The following ZNF273 variants were observed in gnomAD, a reference collection of about 807,000 sequenced individuals.
ZNF273 encodes zinc finger protein 9.
In ZNF273, 11 loss-of-function variants were observed where a neutral mutation model predicts 14.9. The observed-to-expected ratio is 0.74, with a 90% CI of 0.46 to 1.22. The LOEUF (loss-of-function observed/expected upper bound fraction) is 1.22, where lower values mean the gene tolerates loss of function less well. Ranked by LOEUF, ZNF273 falls within the 50% of genes most tolerant of loss-of-function variation. The probability of loss-of-function intolerance (pLI) is 0.00; values close to 1 mark genes in which losing one functional copy is unlikely to be tolerated. For missense variants in ZNF273, 577 were observed against 660.6 expected, an observed-to-expected ratio of 0.87 and a Z score of 1.39; for synonymous variants, 199 against 223.9, an observed-to-expected ratio of 0.89 and a Z score of 0.99.
intron 1 of ZNF273, chr7:64,888,249 G>C: frequency 3.1e-6 from 3 of 968,330 alleles, no homozygotes; most frequent in Non-Finnish European, 3.7e-6. Flanking sequence ...AGAGGAGGGC[G>C]CTCCCTCGTC....
At chr7:64,912,826 G>GTTTTTTGTTGTTGTTTTTTT in intron 1 of ZNF273, among the ~76,000 whole-genome samples, 5 of 36,574 alleles carry the variant, frequency 1.4e-4, no homozygotes, top group South Asian at 1.3e-3. Context: ...ATTCATTTTA[G>GTTTTTTGTTGTTGTTTTTTT]TTTTTTTTTT....
At chr7:64,912,826 G>GTTTTGTTTTTTGTTTTTTTTT (rs746174998) in intron 1 of ZNF273, among the ~76,000 whole-genome samples, 4 of 36,576 alleles carry the variant, frequency 1.1e-4, no homozygotes, top group East Asian at 6.2e-4. Flanking sequence ...ATTCATTTTA[G>GTTTTGTTTTTTGTTTTTTTTT]TTTTTTTTTT....
intron 1 of ZNF273, among the ~76,000 whole-genome samples, chr7:64,887,908 C>T (rs1250586625): frequency 6.6e-6 from 1 of 152,036 alleles, no homozygotes; most frequent in African/African-American, 2.4e-5. Context: ...TCACTGGTTC[C>T]TCACCCTTGT....
chr7:64,916,542 CAAAA>C (rs10712527), intron 1 of ZNF273, among the ~76,000 whole-genome samples: 4,412 of 84,472 alleles, frequency 0.052, 89 homozygotes, highest in East Asian at 0.18. Flanking sequence ...AAAACTGTCT[CAAAA>C]AAAAAAAAAA....
Position 64,928,863 on chromosome 7 carries a change from A to G in ZNF273, c.1535A>G (p.Lys512Arg). Residue 512 changes from lysine (K) to arginine (R), a missense_variant, in exon 4 of 4, where the codon AAG becomes AGG. This residue lies in a region of ZNF273 where 411 missense variants were observed against 440.4 expected (regional missense o/e 0.93). Coordinates refer to ENST00000476120, the MANE Select transcript of ZNF273 (RefSeq NM_021148.3). ...CATAAGAGAATTCATACTGGAGAGA[A>G]GCCCTACAAATGTGAAGAATGTGGC... ...TKHKRIHTGE[K>R]PYKCEECGKA... 1 of 1,614,024 alleles carries G rather than the reference A, an allele frequency of 6.2e-7. No homozygotes were observed. Among genetic ancestry groups the G allele is most frequent in the South Asian group, 1.1e-5 (1 of 91,072 alleles).
intron 3 of ZNF273, chr7:64,923,246 A>G: frequency 4.7e-6 from 2 of 429,496 alleles, no homozygotes; most frequent in South Asian, 3.4e-5. Flanking sequence ...TGTCATCAAG[A>G]TTTATCGTTA....
chr7:64,881,726 C>A (rs1043839068), downstream of ZNF273, among the ~76,000 whole-genome samples: 1 of 152,122 alleles, frequency 6.6e-6, no homozygotes, highest in Non-Finnish European at 1.5e-5. Context: ...GGTCATGGGT[C>A]GTGGTCTCTT....
At chr7:64,922,995 C>T (rs936328293) in intron 3 of ZNF273, among the ~76,000 whole-genome samples, 11 of 151,990 alleles carry the variant, frequency 7.2e-5, no homozygotes, top group African/African-American at 2.4e-4. Flanking sequence ...AAAAGAAAAT[C>T]GCAAAATTTA....
chr7:64,931,804 C>G (rs1455129945), downstream of ZNF273, among the ~76,000 whole-genome samples: 1 of 152,098 alleles, frequency 6.6e-6, no homozygotes, highest in Non-Finnish European at 1.5e-5. Context: ...TAGTTTGTAA[C>G]TTCAAGTCAG....
intron 3 of ZNF273, among the ~76,000 whole-genome samples, chr7:64,918,686 A>G (rs1794199992): frequency 1.6e-5 from 2 of 127,100 alleles, no homozygotes; most frequent in African/African-American, 2.8e-5. Context: ...AAAAAAAAAA[A>G]AATGTGATTT....
At position 64,927,711 on chromosome 7, in the gene ZNF273, T is replaced by G; in HGVS notation, c.383T>G (p.Phe128Cys). 6.2e-7 allele frequency: 1 copy of G among 1,606,644 alleles called. No individual in the cohort carries two copies. The highest frequency in any genetic ancestry group is 8.5e-7 in the Non-Finnish European group (1 of 1,177,986). Residue 128 changes from phenylalanine (F) to cysteine (C), a missense_variant, in exon 4 of 4, where the codon TTT becomes TGT. By Grantham distance (205) the Phe-to-Cys change is radical. Around this residue, in one of 3 missense-constraint regions of ZNF273, gnomAD observed 162 missense variants for 203.5 expected, o/e 0.80. Transcript: ENST00000476120. ...CCAAAGCAGGGCTTAAAAGATTCTT[T>G]TCAAAAAGTGATACTGAGAAGATAT... ...LWPKQGLKDS[F>C]QKVILRRYGK... is the part of the protein sequence containing the mutation.
chr7:64,884,767 A>G (rs2129033575), intron 1 of ZNF273, among the ~76,000 whole-genome samples: 1 of 152,294 alleles, frequency 6.6e-6, no homozygotes, highest in East Asian at 1.9e-4. Flanking sequence ...ATGGAGTCCA[A>G]AGAGAAGTTC....
chr7:64,912,826 G>GTTTTGTTTTTTGTTTTTTTTTTTTTT (rs746174998), intron 1 of ZNF273, among the ~76,000 whole-genome samples: 4 of 36,564 alleles, frequency 1.1e-4, no homozygotes, highest in Non-Finnish European at 1.7e-4. Context: ...ATTCATTTTA[G>GTTTTGTTTTTTGTTTTTTTTTTTTTT]TTTTTTTTTT....
chr7:64,932,374 G>A (rs773179453), downstream of ZNF273, among the ~76,000 whole-genome samples: 1 of 151,916 alleles, frequency 6.6e-6, no homozygotes, highest in East Asian at 1.9e-4. Flanking sequence ...GCAATGGCGC[G>A]ATCTTGGCTC....
chr7:64,883,215 C>CCCCCCT (rs1562946563), downstream of ZNF273, among the ~76,000 whole-genome samples: 2 of 57,846 alleles, frequency 3.5e-5, 1 homozygote, highest in Non-Finnish European at 7.2e-5. Context: ...CAAATCACCA[C>CCCCCCT]CCCCCCCTCA....
downstream of ZNF273, among the ~76,000 whole-genome samples, chr7:64,884,686 C>T (rs2129033487): frequency 6.6e-6 from 1 of 152,286 alleles, no homozygotes; most frequent in Admixed American, 6.5e-5. Flanking sequence ...ACCCGGAGAT[C>T]CCTCAACAAC....
At chr7:64,935,934 C>A (rs1795055820), downstream of ZNF273, among the ~76,000 whole-genome samples, 1 of 152,128 alleles carries the variant, frequency 6.6e-6, no homozygotes, top group Non-Finnish European at 1.5e-5. Context: ...AATTGCCATG[C>A]TTTTTGAAAT....
At chr7:64,879,823 T>A (rs578256738), downstream of ZNF273, 1 of 152,134 alleles carries the variant, frequency 6.6e-6, no homozygotes, top group Non-Finnish European at 1.5e-5. Context: ...ACTCACAGTC[T>A]CAAAGCCTGT....
chr7:64,885,614 G>A (rs1234312352), intron 1 of ZNF273, among the ~76,000 whole-genome samples: 1 of 152,214 alleles, frequency 6.6e-6, no homozygotes, highest in East Asian at 1.9e-4. Flanking sequence ...TTAATACTGA[G>A]ACTAGAGGGA....
Sources: gnomAD v4.1 joint callset for allele counts (sites outside exome capture counted in the v4.1 genomes callset) on GRCh38, gnomAD v4.1.1 for gene constraint, gnomAD v4.1.1 regional missense constraint, MANE v1.5 for transcripts, NCBI Gene and HGNC (gene_info 2026-07-23, HGNC 2026-07-21) for gene names.